DHRSX: variants seen among roughly 807,000 people sequenced by gnomAD.
The protein encoded by DHRSX is polyprenol dehydrogenase.
In DHRSX, 31 loss-of-function variants were observed where a neutral mutation model predicts 34.0. The observed-to-expected ratio is 0.91, with a 90% CI of 0.69 to 1.23. The LOEUF (loss-of-function observed/expected upper bound fraction) is 1.23. Among genes scored for constraint, DHRSX ranks in the 50% most tolerant of loss-of-function variants. The pLI is 0.00. For missense variants in DHRSX, 414 were observed against 428.1 expected (o/e 0.97, Z 0.29); for synonymous variants, 201 against 183.8 (o/e 1.09, Z -0.76).
rs765562057 is a variant in DHRSX at position 2,316,464 on chromosome X, A to C, written c.287-24861T>G. ...CTACTTGGGAGGCTGGGGCAGGAGA[A>C]TCGCTTGAACCTGGGAGGTGGAGGT... On this transcript the variant is annotated intron_variant, in intron 3 of 6. Transcript: ENST00000334651. 6.6e-4 allele frequency among the ~76,000 whole-genome samples: 101 copies of C among 152,190 alleles called. 1 individual carries two copies. The highest frequency in any genetic ancestry group is 2.4e-4 in the Non-Finnish European group (16 of 68,002).
intron 2 of DHRSX, among the ~76,000 whole-genome samples, chrX:2,423,330 T>G (rs752194046): frequency 2.8e-4 from 42 of 152,174 alleles, no homozygotes; most frequent in African/African-American, 9.6e-4. Flanking sequence ...GGAGAGTCGC[T>G]TGAACCCAGG....
intron 3 of DHRSX, among the ~76,000 whole-genome samples, chrX:2,399,919 G>A (rs1471917458): frequency 4.0e-5 from 6 of 151,500 alleles, no homozygotes; most frequent in African/African-American, 1.5e-4. Flanking sequence ...CATGCTACTA[G>A]TCCCAGCTAC....
intron 3 of DHRSX, among the ~76,000 whole-genome samples, chrX:2,325,208 C>T (rs1009280318): frequency 6.6e-6 from 1 of 152,060 alleles, no homozygotes; most frequent in Non-Finnish European, 1.5e-5. Flanking sequence ...GGACTAGACA[C>T]GTTCAAGATG....
intron 3 of DHRSX, among the ~76,000 whole-genome samples, chrX:2,385,784 G>C (rs766862577): frequency 6.6e-6 from 1 of 152,162 alleles, no homozygotes; most frequent in African/African-American, 2.4e-5. Flanking sequence ...TCTTTATTTA[G>C]GTTGGTAAGT....
chrX:2,483,879 C>T (rs4492534), intron 1 of DHRSX, among the ~76,000 whole-genome samples: 1 of 150,896 alleles, frequency 6.6e-6, no homozygotes, highest in African/African-American at 2.4e-5. Flanking sequence ...TACATTCGTA[C>T]ATTTTTTTTC....
chrX:2,283,930 AC>A, intron 4 of DHRSX, among the ~76,000 whole-genome samples: 1 of 23,252 alleles, frequency 4.3e-5, no homozygotes, highest in Non-Finnish European at 1.1e-4. Flanking sequence ...CTTTGAATTC[AC>A]TCATTCCTTT....
chrX:2,236,050 T>C (rs2016007004), intron 6 of DHRSX, among the ~76,000 whole-genome samples: 1 of 151,878 alleles, frequency 6.6e-6, no homozygotes, highest in Non-Finnish European at 1.5e-5. Context: ...ACGCAGGGGT[T>C]GCAGTGAGCT....
chrX:2,437,304 G>A (rs1489913275), intron 1 of DHRSX, among the ~76,000 whole-genome samples: 1 of 151,314 alleles, frequency 6.6e-6, no homozygotes, highest in African/African-American at 2.4e-5. Context: ...CGGACACAAG[G>A]TCATATTGAA....
At chrX:2,349,909 G>T (rs2042768183) in intron 3 of DHRSX, among the ~76,000 whole-genome samples, 1 of 150,314 alleles carries the variant, frequency 6.7e-6, no homozygotes, top group East Asian at 1.9e-4. Context: ...CGTGGTGGCA[G>T]GCGCCTGCAG....
At chrX:2,488,857 G>A (rs1192277347) in intron 1 of DHRSX, 1 of 1,613,650 alleles carries the variant, frequency 6.2e-7, no homozygotes, top group East Asian at 2.2e-5. Flanking sequence ...CGGATCCGAA[G>A]AGACGCTCAG....
At chrX:2,375,777 C>T (rs2043134149) in intron 3 of DHRSX, among the ~76,000 whole-genome samples, 1 of 136,044 alleles carries the variant, frequency 7.4e-6, no homozygotes, top group African/African-American at 2.5e-5. Context: ...CGACTACAGG[C>T]GTGCACCCCC....
chrX:2,405,511 C>A lies in DHRSX; in HGVS notation c.286+3234G>T, dbSNP rs188099361. Among the ~76,000 whole-genome samples, 7 of 149,982 alleles carry A rather than the reference C, an allele frequency of 4.7e-5. No individual in the cohort carries two copies. The East Asian group carries it at 1.4e-3, about 30-fold the overall frequency. ...TCAAAATATTAATAATAATCGTCAT[C>A]ATCATCAAAATAGGCCAGGCACAGT... On this transcript the variant is annotated intron_variant, in intron 3 of 6. Coordinates refer to ENST00000334651, the MANE Select transcript of DHRSX (RefSeq NM_145177.3).
At chrX:2,489,351 T>C (rs1479642884) in intron 1 of DHRSX, 2 of 1,613,124 alleles carry the variant, frequency 1.2e-6, no homozygotes, top group African/African-American at 1.3e-5. Context: ...TGGTAGGTCT[T>C]GGAAAGCTCC....
intron 4 of DHRSX, among the ~76,000 whole-genome samples, chrX:2,271,172 A>G (rs2041548949): frequency 6.6e-6 from 1 of 152,226 alleles, no homozygotes; most frequent in Non-Finnish European, 1.5e-5. Context: ...TCACTCCTGA[A>G]GTCAGCGAGT....
rs750398970 is a variant in DHRSX at position 2,314,706 on chromosome X, G to T, written c.287-23103C>A. Among the ~76,000 whole-genome samples the T allele has an allele frequency of 3.3e-5, 5 of 152,098 alleles. No individual in the cohort carries two copies. The South Asian group carries it at 8.3e-4, about 25-fold the overall frequency. ...GGGTTAAATAAAACCCATCTAATGA[G>T]AACTCATGGTTTGTAAAGAATGACT... is the stretch of plus-strand genomic sequence containing the variant. On this transcript the variant is annotated intron_variant, in intron 3 of 6. Transcript: ENST00000334651.
chrX:2,223,212 G>A (rs1022529390), intron 6 of DHRSX, among the ~76,000 whole-genome samples: 1 of 152,162 alleles, frequency 6.6e-6, no homozygotes, highest in African/African-American at 2.4e-5. Context: ...AATCATGGGA[G>A]ATCTTTCTCG....
At chrX:2,485,395 C>G (rs185465389) in intron 1 of DHRSX, among the ~76,000 whole-genome samples, 3 of 151,324 alleles carry the variant, frequency 2.0e-5, no homozygotes, top group Non-Finnish European at 1.5e-5. Context: ...ACCAACAGCA[C>G]TTGGAAAGGG....
chrX:2,241,776 C>T (rs1440333712), intron 6 of DHRSX, among the ~76,000 whole-genome samples: 1 of 151,984 alleles, frequency 6.6e-6, no homozygotes, highest in African/African-American at 2.4e-5. Flanking sequence ...GGCGTGGTGT[C>T]ACATGCCTGT....
At chrX:2,349,852 C>T (rs1227556664) in intron 3 of DHRSX, among the ~76,000 whole-genome samples, 1 of 149,132 alleles carries the variant, frequency 6.7e-6, no homozygotes, top group African/African-American at 2.4e-5. Context: ...TCCTGGCTAA[C>T]AGGGTGAAAC....
Sources: gnomAD v4.1 joint callset for allele counts (sites outside exome capture counted in the v4.1 genomes callset) on GRCh38, gnomAD v4.1.1 for gene constraint, MANE v1.5 for transcripts, NCBI Gene and HGNC (gene_info 2026-07-23, HGNC 2026-07-21) for gene names.